The following CTNNA3 variants were observed in gnomAD, a reference collection of about 807,000 sequenced individuals.
CTNNA3 encodes catenin alpha 3.
In CTNNA3, 76 loss-of-function variants were observed where a neutral mutation model predicts 95.7. That is an observed-to-expected ratio of 0.79 (90% CI 0.66 to 0.96). The LOEUF is 0.96. Among genes scored for constraint, CTNNA3 ranks in the 40% least tolerant of loss-of-function variants. The probability of loss-of-function intolerance (pLI) is 0.00; values close to 1 mark genes in which losing one functional copy is unlikely to be tolerated. For synonymous variants in CTNNA3, 431 were observed against 374.4 expected, an observed-to-expected ratio of 1.15 and a Z score of -1.74; for missense variants, 1,191 against 1,089.8, an observed-to-expected ratio of 1.09 and a Z score of -1.31.
At chr10:66,912,008 G>T (rs1360580196) in intron 7 of CTNNA3, among the ~76,000 whole-genome samples, 1 of 152,136 alleles carries the variant, frequency 6.6e-6, no homozygotes, top group Non-Finnish European at 1.5e-5. Context: ...ATATTTTCAT[G>T]ACTTTAACTA....
chr10:66,813,211 T>G (rs1204241597), intron 7 of CTNNA3, among the ~76,000 whole-genome samples: 1 of 152,208 alleles, frequency 6.6e-6, no homozygotes, highest in East Asian at 1.9e-4. Flanking sequence ...GTTTTATGTC[T>G]TAATCTAAGA....
intron 12 of CTNNA3, among the ~76,000 whole-genome samples, chr10:66,316,246 A>G (rs1436118400): frequency 6.6e-6 from 1 of 152,072 alleles, no homozygotes; most frequent in African/African-American, 2.4e-5. Flanking sequence ...CTAAGAATAA[A>G]TATTCGCAAA....
Position 67,183,958 on chromosome 10 carries a change from A to T in CTNNA3, c.844-3438T>A, listed in dbSNP as rs78035433. Among the ~76,000 whole-genome samples, 80 of 152,228 alleles carry T rather than the reference A, an allele frequency of 5.3e-4. 1 individual carries two copies. The East Asian group carries it at 0.015, about 28-fold the overall frequency. ...TGCCCTTTACAATTTTTTTAAGATT[A>T]GGAAACAAAAAGGAGTCAGAAGGAG... On this transcript the variant is annotated intron_variant, in intron 6 of 17. Coordinates refer to ENST00000433211, the MANE Select transcript of CTNNA3 (RefSeq NM_013266.4).
chr10:66,249,548 T>C (rs2090467360), intron 13 of CTNNA3, among the ~76,000 whole-genome samples: 1 of 152,096 alleles, frequency 6.6e-6, no homozygotes, highest in African/African-American at 2.4e-5. Context: ...TCATCAATCA[T>C]CAGAGAACTG....
chr10:66,274,055 T>C (rs2091338360), intron 13 of CTNNA3, among the ~76,000 whole-genome samples: 1 of 152,026 alleles, frequency 6.6e-6, no homozygotes, highest in Admixed American at 6.6e-5. Flanking sequence ...CCAGGCAGGA[T>C]TTTCGTAAAG....
intron 1 of CTNNA3, among the ~76,000 whole-genome samples, chr10:67,726,443 TATAA>T: frequency 1.4e-5 from 1 of 71,528 alleles, no homozygotes; most frequent in South Asian, 4.8e-4. Flanking sequence ...ATATATAATA[TATAA>T]TATTATATAT....
At chr10:66,466,113 G>C (rs1838900765) in intron 11 of CTNNA3, among the ~76,000 whole-genome samples, 1 of 151,832 alleles carries the variant, frequency 6.6e-6, no homozygotes, top group African/African-American at 2.4e-5. Flanking sequence ...ATAAATTGAA[G>C]GCTCTAGAAA....
At chr10:67,302,073 A>G (rs1311349408) in intron 5 of CTNNA3, among the ~76,000 whole-genome samples, 6 of 125,570 alleles carry the variant, frequency 4.8e-5, no homozygotes. Flanking sequence ...GAAAGAAAGA[A>G]AGAAAGAAAG....
At chr10:67,382,081 A>G (rs1004421723) in intron 5 of CTNNA3, among the ~76,000 whole-genome samples, 5 of 152,194 alleles carry the variant, frequency 3.3e-5, no homozygotes, top group Non-Finnish European at 5.9e-5. Context: ...TGAGAATTCA[A>G]TGTTAGTTTC....
chr10:67,016,376 T>C (rs1175460610), intron 7 of CTNNA3, among the ~76,000 whole-genome samples: 1 of 146,796 alleles, frequency 6.8e-6, no homozygotes, highest in South Asian at 2.1e-4. Context: ...TCGTTTCTTT[T>C]TGTTTGTTTG....
At chr10:66,378,469 A>G (rs1202116608) in intron 12 of CTNNA3, among the ~76,000 whole-genome samples, 3 of 152,196 alleles carry the variant, frequency 2.0e-5, no homozygotes, top group Non-Finnish European at 4.4e-5. Flanking sequence ...TTATAAAAAT[A>G]GTTGATTGTC....
intron 7 of CTNNA3, among the ~76,000 whole-genome samples, chr10:66,869,825 C>A (rs2132436380): frequency 1.3e-5 from 2 of 152,220 alleles, no homozygotes; most frequent in East Asian, 3.9e-4. Context: ...AGTATAATAG[C>A]TGAGTGTAAC....
intron 8 of CTNNA3, among the ~76,000 whole-genome samples, chr10:66,768,313 G>A (rs906644649): frequency 2.0e-5 from 3 of 152,094 alleles, no homozygotes; most frequent in African/African-American, 7.2e-5. Flanking sequence ...GCCATGAAGG[G>A]CCAGCATATG....
chr10:66,660,209 A>G (rs1234995495), intron 9 of CTNNA3, among the ~76,000 whole-genome samples: 2 of 152,132 alleles, frequency 1.3e-5, no homozygotes, highest in Admixed American at 1.3e-4. Flanking sequence ...ACAACTGGTG[A>G]CTGCTCATTG....
chr10:67,114,709 GGTGTGTGTGTGT>G (rs56772381), intron 7 of CTNNA3, among the ~76,000 whole-genome samples: 1 of 144,754 alleles, frequency 6.9e-6, no homozygotes, highest in Admixed American at 6.8e-5. Flanking sequence ...GGTTCTTAAA[GGTGTGTGTGTGT>G]GTGTGTGTGT....
chr10:66,520,878 T>C (rs984854035), intron 10 of CTNNA3, 105 bp from the exon 11 acceptor site: 7 of 542,072 alleles, frequency 1.3e-5, no homozygotes, highest in Non-Finnish European at 1.5e-5. Context: ...AATATATTCA[T>C]GTAAGAAATC....
rs533829539 is a variant in CTNNA3, at chr10:66,668,588, G to A, written c.1282-46804C>T. ...AGCACTTTGGGAGGCCGAGGTGGGC[G>A]GATCACTTGAGGCCAGAAGTTTGAG... On this transcript the variant is annotated intron_variant, in intron 9 of 17. Transcript: ENST00000433211. Among the ~76,000 whole-genome samples, 7 of 152,030 alleles carry A rather than the reference G, an allele frequency of 4.6e-5. No individual in the cohort carries two copies. In the South Asian group the frequency reaches 1.0e-3, roughly 23 times the overall value.
chr10:67,519,793 T>G (rs1394190928), intron 5 of CTNNA3, among the ~76,000 whole-genome samples: 1 of 152,196 alleles, frequency 6.6e-6, no homozygotes, highest in Non-Finnish European at 1.5e-5. Flanking sequence ...GAAACTTTCT[T>G]GCTAAACTGG....
intron 10 of CTNNA3, among the ~76,000 whole-genome samples, chr10:66,570,706 A>C (rs1352038782): frequency 6.6e-6 from 1 of 152,170 alleles, no homozygotes; most frequent in Non-Finnish European, 1.5e-5. Flanking sequence ...AAAAAAATTA[A>C]AAAATAAAGA....
Sources: allele counts gnomAD v4.1 joint callset (sites outside exome capture counted in the v4.1 genomes callset), GRCh38; gene constraint gnomAD v4.1.1; transcripts MANE v1.5; gene names NCBI Gene and HGNC (gene_info 2026-07-23, HGNC 2026-07-21).